The following HIF1A variants were observed in gnomAD, a reference collection of about 807,000 sequenced individuals.
The protein encoded by HIF1A is hypoxia-inducible factor 1-alpha.
Under a neutral mutation model 92.7 loss-of-function variants are expected in HIF1A, and 24 were observed. The observed-to-expected ratio is 0.26, with a 90% confidence interval of 0.19 to 0.36. The LOEUF (loss-of-function observed/expected upper bound fraction) is 0.36. Ranked by LOEUF, HIF1A falls within the 10% of genes least tolerant of loss-of-function variation. HIF1A has a pLI of 1.00. For synonymous variants in HIF1A, 319 were observed against 338.7 expected (o/e 0.94, Z 0.64); for missense variants, 799 against 998.5 (o/e 0.80, Z 2.69).
In HIF1A at chr14:61,695,634, C is replaced by G. The variant is rs1366528983; in HGVS notation, c.-171C>G. On this transcript the variant is annotated 5_prime_UTR_variant, in exon 1 of 15. Coordinates refer to ENST00000337138, the MANE Select transcript of HIF1A (RefSeq NM_001530.4). ...AGAGGCTCGGAGCCGGGCCCGGACC[C>G]CGGCGATTGCCGCCCGCTTCTCTCT... 1.0e-5 allele frequency: 7 copies of G among 697,766 alleles called. No homozygotes were observed. The highest frequency in any genetic ancestry group is 1.4e-5 in the Non-Finnish European group (6 of 423,318). 43.2% of individuals were successfully genotyped at this position (697,766 alleles called of 1,614,324 possible).
Position 61,727,503 on chromosome 14 carries a change from A to C in HIF1A, c.621A>C (p.Gln207His), listed in dbSNP as rs369217648. 57 of 1,613,746 alleles carry C rather than the reference A, an allele frequency of 3.5e-5. No individual in the cohort carries two copies. The highest frequency in any genetic ancestry group is 4.6e-5 in the Non-Finnish European group (54 of 1,179,904). Residue 207 changes from glutamine to histidine, a missense_variant, in exon 6 of 15, where the codon CAA (glutamine) becomes CAC (histidine). This residue lies in a region of HIF1A where 516 missense variants were observed against 721.0 expected (regional missense o/e 0.72). Coordinates refer to ENST00000337138, the MANE Select transcript of HIF1A (RefSeq NM_001530.4). ...ACGTATATGATACCAACAGTAACCA[A>C]CCTCAGTGTGGGTATAAGAAACCAC... is the stretch of plus-strand genomic sequence containing the variant. ...HIHVYDTNSN[Q>H]PQCGYKKPPM...
In HIF1A at chr14:61,720,472, T is replaced by C. The variant is rs1038759891; in HGVS notation, c.126T>C (p.His42=). The C allele has an allele frequency of 6.2e-7, 1 of 1,613,884 alleles. No homozygotes were observed. Among genetic ancestry groups the C allele is most frequent in the Non-Finnish European group, 8.5e-7 (1 of 1,179,850 alleles). The change falls in exon 2 of 15, where the codon CAT becomes CAC. Residue 42 remains histidine (H), a synonymous_variant. Coordinates refer to ENST00000337138, the MANE Select transcript of HIF1A (RefSeq NM_001530.4). ...KESEVFYELA[H]QLPLPHNVSS... is the part of the protein sequence containing the mutation. ...CTGAAGTTTTTTATGAGCTTGCTCA[T>C]CAGTTGCCACTTCCACATAATGTGA...
intron 8 of HIF1A, among the ~76,000 whole-genome samples, chr14:61,735,097 C>G (rs2044619899): frequency 6.6e-6 from 1 of 152,158 alleles, no homozygotes; most frequent in Admixed American, 6.5e-5. Context: ...ACATTATTAC[C>G]ACATTCTAGT....
At chr14:61,711,099 C>T (rs2044301989) in intron 1 of HIF1A, among the ~76,000 whole-genome samples, 4 of 148,460 alleles carry the variant, frequency 2.7e-5, no homozygotes, top group Admixed American at 6.7e-5. Context: ...TTAATGAAAA[C>T]TTCGTGACAG....
chr14:61,731,983 A>G (rs910977071), intron 6 of HIF1A, among the ~76,000 whole-genome samples: 9 of 152,206 alleles, frequency 5.9e-5, no homozygotes, highest in African/African-American at 2.2e-4. Context: ...CTAAAAATAC[A>G]AAATTAGCTG....
chr14:61,695,896 C>T (rs1363713415), intron 1 of HIF1A, 57 bp downstream of exon 1: 3 of 1,499,478 alleles, frequency 2.0e-6, no homozygotes, highest in Non-Finnish European at 2.7e-6. Context: ...CCCGCCTGCC[C>T]GCCCTGGGCT....
At chr14:61,732,220 G>A (rs1594879577) in intron 6 of HIF1A, among the ~76,000 whole-genome samples, 198 bp from the exon 7 acceptor site, 1 of 152,186 alleles carries the variant, frequency 6.6e-6, no homozygotes, top group East Asian at 1.9e-4. Flanking sequence ...AGGACTTAAA[G>A]AAATGTGTGG....
rs559196450 is a variant in HIF1A at position 61,738,520 on chromosome 14, G to A, written c.1536+147G>A. 2.0e-5 allele frequency: 15 copies of A among 762,094 alleles called. 1 individual carries two copies. The South Asian group carries it at 2.7e-4, about 14-fold the overall frequency. 47.2% of individuals were successfully genotyped at this position (762,094 alleles called of 1,614,324 possible). On this transcript the variant is annotated intron_variant, in intron 10 of 14. Transcript: ENST00000337138. ...TTTTAGCACTTTAAAATTATTGCAA[G>A]AGCTACTGCCTAACCTAGACCTGAG...
intron 1 of HIF1A, among the ~76,000 whole-genome samples, chr14:61,696,419 G>C (rs887311041): frequency 6.6e-6 from 1 of 152,218 alleles, no homozygotes; most frequent in African/African-American, 2.4e-5. Context: ...AGCCGTCGCG[G>C]GTGTCTTTGC....
chr14:61,697,771 CTAATT>C (rs775588153), intron 1 of HIF1A: 1 of 1,432,592 alleles, frequency 7.0e-7, no homozygotes, highest in Non-Finnish European at 9.1e-7. Context: ...CCTTTTCTAA[CTAATT>C]TACAGTTTTT....
At chr14:61,734,800 T>C (rs1479097543) in intron 8 of HIF1A, among the ~76,000 whole-genome samples, 1 of 152,198 alleles carries the variant, frequency 6.6e-6, no homozygotes, top group African/African-American at 2.4e-5. Context: ...TTAGGAGATA[T>C]ACTTAATGTG....
At chr14:61,703,215 C>T (rs920067079) in intron 1 of HIF1A, among the ~76,000 whole-genome samples, 1 of 152,120 alleles carries the variant, frequency 6.6e-6, no homozygotes, top group Non-Finnish European at 1.5e-5. Context: ...TTAAAGCTTT[C>T]AATGTAATTG....
At chr14:61,705,474 T>TA (rs767909541) in intron 1 of HIF1A, among the ~76,000 whole-genome samples, 24 of 152,194 alleles carry the variant, frequency 1.6e-4, no homozygotes, top group Non-Finnish European at 3.4e-4. Flanking sequence ...TGGAGTTGTA[T>TA]AAATTACCAA....
intron 1 of HIF1A, chr14:61,697,828 A>G (rs1301659119): frequency 2.7e-6 from 4 of 1,497,814 alleles, no homozygotes; most frequent in Admixed American, 2.4e-5. Flanking sequence ...ATTTTCTTCA[A>G]GCAATTTTTT....
rs1228798612 is a variant in HIF1A at position 61,695,788 on chromosome 14, G to C, written c.-17G>C. On this transcript the variant is annotated 5_prime_UTR_variant, in exon 1 of 15. Coordinates refer to ENST00000337138, the MANE Select transcript of HIF1A (RefSeq NM_001530.4). ...GGGGGCCGCCCGCCGTGAAGACATCGCGGGGACCGATTCACCATGGAGGGC... is the reference window on the plus strand; with the variant it reads ...GGGGGCCGCCCGCCGTGAAGACATCCCGGGGACCGATTCACCATGGAGGGC... 1.3e-6 allele frequency: 2 copies of C among 1,595,654 alleles called. No homozygotes were observed. Among genetic ancestry groups the C allele is most frequent in the Non-Finnish European group, 8.5e-7 (1 of 1,172,866 alleles).
chr14:61,715,880 T>C (rs2044358017), intron 1 of HIF1A: 1 of 152,142 alleles, frequency 6.6e-6, no homozygotes, highest in Admixed American at 6.6e-5. Context: ...TGCCTGTAGC[T>C]ACTTGGGAGG....
chr14:61,731,795 T>TA (rs2044578735), intron 6 of HIF1A, among the ~76,000 whole-genome samples: 1 of 152,224 alleles, frequency 6.6e-6, no homozygotes, highest in South Asian at 2.1e-4. Flanking sequence ...TGTTTATTAA[T>TA]ACCCTGCCTT....
At chr14:61,742,510 C>T (rs1002907246) in intron 12 of HIF1A, among the ~76,000 whole-genome samples, 1 of 152,126 alleles carries the variant, frequency 6.6e-6, no homozygotes, top group African/African-American at 2.4e-5. Flanking sequence ...CTCTGAGCTC[C>T]ACGAGGGCAA....
chr14:61,712,592 G>A (rs1352455906), intron 1 of HIF1A, among the ~76,000 whole-genome samples: 1 of 139,300 alleles, frequency 7.2e-6, no homozygotes, highest in Non-Finnish European at 1.6e-5. Context: ...TAGTATGCTT[G>A]CTTATACTTG....
Sources: allele counts gnomAD v4.1 joint callset (sites outside exome capture counted in the v4.1 genomes callset), GRCh38; gene constraint gnomAD v4.1.1; regional missense constraint gnomAD v4.1.1; transcripts MANE v1.5; gene names NCBI Gene and HGNC (gene_info 2026-07-23, HGNC 2026-07-21).